PHLPP2: variants seen among roughly 807,000 people sequenced by gnomAD.
The protein encoded by PHLPP2 is PH domain and leucine rich repeat protein phosphatase 2, also known as PH domain leucine-rich repeat-containing protein phosphatase 2.
Under a neutral mutation model 124.9 loss-of-function variants are expected in PHLPP2, and 66 were observed. The ratio of observed to expected loss-of-function variants is 0.53; its 90% CI spans 0.43 to 0.65. The LOEUF (loss-of-function observed/expected upper bound fraction) is 0.65. Among genes scored for constraint, PHLPP2 ranks in the 30% least tolerant of loss-of-function variants. PHLPP2 has a pLI of 0.00. For synonymous variants in PHLPP2, 681 were observed against 624.7 expected, an observed-to-expected ratio of 1.09 and a Z score of -1.34; for missense variants, 1,685 against 1,600.4, an observed-to-expected ratio of 1.05 and a Z score of -0.90.
At chr16:71,706,270 C>CCA (rs374107426) in intron 2 of PHLPP2, among the ~76,000 whole-genome samples, 16,874 of 152,156 alleles carry the variant, frequency 0.11, 1,346 homozygotes, top group South Asian at 0.39. Context: ...CCAAACCAGC[C>CCA]AACGGACATA....
chr16:71,664,757 GA>G (rs1216475114), intron 12 of PHLPP2, among the ~76,000 whole-genome samples: 5 of 150,128 alleles, frequency 3.3e-5, no homozygotes, highest in Admixed American at 6.6e-5. Context: ...TCTCAAAGAA[GA>G]AAAAAAAAAT....
At chr16:71,710,786 C>A (rs2045318661) in intron 2 of PHLPP2, among the ~76,000 whole-genome samples, 1 of 152,102 alleles carries the variant, frequency 6.6e-6, no homozygotes, top group African/African-American at 2.4e-5. Context: ...TAATTTAATC[C>A]TCATGACAAC....
chr16:71,717,151 G>T lies in PHLPP2; in HGVS notation c.-6-2350C>A, dbSNP rs184990198. 1.3e-3 allele frequency among the ~76,000 whole-genome samples: 193 copies of T among 152,258 alleles called. 1 individual carries two copies. Among genetic ancestry groups the T allele is most frequent in the Non-Finnish European group, 9.3e-4 (63 of 68,006 alleles). ...TTTGCAGCAGCTGCAAAGTGAATGG[G>T]AGTAAATAAAATACTTTCAGTAGTA... On this transcript the variant is annotated intron_variant, in intron 1 of 18. Transcript: ENST00000568954.
At chr16:71,659,439 C>T (rs1161645419) in intron 13 of PHLPP2, among the ~76,000 whole-genome samples, 2 of 151,976 alleles carry the variant, frequency 1.3e-5, no homozygotes, top group African/African-American at 4.8e-5. Context: ...TTAGTAGAGA[C>T]AGGGTTTCTC....
Position 71,702,580 on chromosome 16 carries a change from C to A in PHLPP2, c.418+18G>T. 6.2e-7 allele frequency: 1 copy of A among 1,600,286 alleles called. No individual in the cohort carries two copies. The highest frequency in any genetic ancestry group is 8.5e-7 in the Non-Finnish European group (1 of 1,171,892). Reference sequence around the variant, plus strand: ...ACCTAAAAGTAGTTAACATACAAAGCCACTGATAAATTCTTACCACCATAA... The same window carrying A: ...ACCTAAAAGTAGTTAACATACAAAGACACTGATAAATTCTTACCACCATAA... On this transcript the variant is annotated intron_variant, in intron 3 of 18. Coordinates refer to ENST00000568954, the MANE Select transcript of PHLPP2 (RefSeq NM_015020.3).
Position 71,648,799 on chromosome 16 carries a change from A to G in PHLPP2, c.*91T>C. The G allele has an allele frequency of 1.0e-6, 1 of 961,182 alleles. No individual in the cohort carries two copies. Among genetic ancestry groups the G allele is most frequent in the East Asian group, 2.4e-5 (1 of 41,794 alleles). 59.5% of individuals were successfully genotyped at this position (961,182 alleles called of 1,614,324 possible). A position where few individuals can be genotyped will look rare whatever the true frequency, so the allele number is the denominator to read the frequency against. On this transcript the variant is annotated 3_prime_UTR_variant, in exon 19 of 19. Transcript: ENST00000568954. ...ACAAACAAACAAAAAAAAAACGAACAAACAAAAAGAAATGTAGAGGCAGAA... is the reference window on the plus strand; with the variant it reads ...ACAAACAAACAAAAAAAAAACGAACGAACAAAAAGAAATGTAGAGGCAGAA...
chr16:71,698,190 A>G (rs940747687), intron 3 of PHLPP2, among the ~76,000 whole-genome samples: 6 of 152,156 alleles, frequency 3.9e-5, no homozygotes, highest in African/African-American at 1.2e-4. Context: ...GGGGCAGCAC[A>G]GTGGAAGCCC....
At position 71,676,668 on chromosome 16, in the gene PHLPP2, G is replaced by C; in HGVS notation, c.1269-19C>G. 6.5e-7 allele frequency: 1 copy of C among 1,541,860 alleles called. No individual in the cohort carries two copies. Among genetic ancestry groups the C allele is most frequent in the Non-Finnish European group, 9.0e-7 (1 of 1,114,554 alleles). On this transcript the variant is annotated intron_variant, in intron 8 of 18. Coordinates refer to ENST00000568954, the MANE Select transcript of PHLPP2 (RefSeq NM_015020.3). ...GTTCATCCTTAATACGCAGAAACAAGAAAATAATCATAAATAAGAGTCTAT... is the reference window on the plus strand; with the variant it reads ...GTTCATCCTTAATACGCAGAAACAACAAAATAATCATAAATAAGAGTCTAT...
Position 71,719,264 on chromosome 16 carries a change from G to C in PHLPP2, c.-6-4463C>G, listed in dbSNP as rs1409430628. Among the ~76,000 whole-genome samples, 7 of 152,350 alleles carry C rather than the reference G, an allele frequency of 4.6e-5. No homozygotes were observed. The East Asian group carries it at 1.4e-3, about 29-fold the overall frequency. On this transcript the variant is annotated intron_variant, in intron 1 of 18. Coordinates refer to ENST00000568954, the MANE Select transcript of PHLPP2 (RefSeq NM_015020.3). ...TTAAAGATCTTTCTAGCCGGGCGCA[G>C]TGGCTCATGCCTGTAATCCCAGCAC...
At chr16:71,702,384 A>G (rs2045240688) in intron 3 of PHLPP2, among the ~76,000 whole-genome samples, 1 of 152,196 alleles carries the variant, frequency 6.6e-6, no homozygotes, top group African/African-American at 2.4e-5. Flanking sequence ...ACAAGTGCAA[A>G]ATGAGCAAAA....
intron 17 of PHLPP2, 45 bp from the exon 18 acceptor site, chr16:71,653,066 G>C (rs764066219): frequency 8.5e-7 from 1 of 1,178,026 alleles, no homozygotes; most frequent in Non-Finnish European, 1.2e-6. Flanking sequence ...GCTAGTTTTA[G>C]AAGAAAGTGG....
chr16:71,672,907 T>C (rs894538418), intron 9 of PHLPP2, among the ~76,000 whole-genome samples: 1 of 152,240 alleles, frequency 6.6e-6, no homozygotes, highest in African/African-American at 2.4e-5. Context: ...AACATATGCA[T>C]GCAGTATGTA....
At position 71,648,585 on chromosome 16, in the gene PHLPP2, CA is replaced by C; in HGVS notation, c.*304del. The C allele has an allele frequency of 3.0e-6, 1 of 332,338 alleles. No homozygotes were observed. The highest frequency in any genetic ancestry group is 2.2e-5 in the African/African-American group (1 of 45,444). 20.6% of individuals were successfully genotyped at this position (332,338 alleles called of 1,614,324 possible). A position where few individuals can be genotyped will look rare whatever the true frequency, so the allele number is the denominator to read the frequency against. Reference sequence around the variant, plus strand: ...AAGAGTTCAACACCAGCCTGGCCAACATGGTGAAACCCCGTCTCTAAAAAAA... The same window carrying C: ...AAGAGTTCAACACCAGCCTGGCCAACTGGTGAAACCCCGTCTCTAAAAAAA... On this transcript the variant is annotated 3_prime_UTR_variant, in exon 19 of 19. Transcript: ENST00000568954.
Position 71,649,420 on chromosome 16 carries a change from C to G in PHLPP2, c.3442G>C (p.Asp1148His), listed in dbSNP as rs559109896. The G allele has an allele frequency of 6.2e-7, 1 of 1,614,146 alleles. No homozygotes were observed. Among genetic ancestry groups the G allele is most frequent in the East Asian group, 2.2e-5 (1 of 44,884 alleles). The change falls in exon 19 of 19, where the codon GAC (aspartate) becomes CAC (histidine). Residue 1148 changes from aspartate (D) to histidine (H), a missense_variant. Physicochemically the swap from Asp to His is moderately conservative, Grantham distance 81 (BLOSUM62 -1). Transcript: ENST00000568954. ...TCAACGGGCTGGTCATCATCACTGT[C>G]CAGGCCGTTGTCAGACTGGTTACTG... ...FSSNQSDNGL[D>H]SDDDQPVEGV...
intron 1 of PHLPP2, among the ~76,000 whole-genome samples, chr16:71,719,522 A>T (rs2045384175): frequency 6.6e-6 from 1 of 152,224 alleles, no homozygotes; most frequent in African/African-American, 2.4e-5. Context: ...CGTGGGCTAC[A>T]CAATGAGGCT....
At chr16:71,698,858 A>AAT (rs1351857360) in intron 3 of PHLPP2, among the ~76,000 whole-genome samples, 9 of 152,184 alleles carry the variant, frequency 5.9e-5, no homozygotes, top group Admixed American at 3.3e-4. Flanking sequence ...AGCAAGACTG[A>AAT]TAACTGGCAT....
At chr16:71,722,083 G>A (rs2045402037) in intron 1 of PHLPP2, among the ~76,000 whole-genome samples, 1 of 150,738 alleles carries the variant, frequency 6.6e-6, no homozygotes, top group African/African-American at 2.4e-5. Context: ...GTATTCTACT[G>A]TAATACTTCT....
In PHLPP2 at chr16:71,646,471, A is replaced by C. The variant is rs2145296843; in HGVS notation, c.*2419T>G. ...TTACTTTTGGTAAGGTCATTTCAGAACTGGGTTTTGAGGTGGTTCCAATAA... is the reference window on the plus strand; with the variant it reads ...TTACTTTTGGTAAGGTCATTTCAGACCTGGGTTTTGAGGTGGTTCCAATAA... On this transcript the variant is annotated 3_prime_UTR_variant, in exon 19 of 19. Transcript: ENST00000568954. 6.6e-6 allele frequency: 1 copy of C among 152,332 alleles called. No individual in the cohort carries two copies. The highest frequency in any genetic ancestry group is 1.9e-4 in the East Asian group (1 of 5,188). The allele number at this position is 152,332 out of a possible 1,614,324, so 9.4% of individuals were successfully genotyped here.
chr16:71,662,343 T>A (rs548166749), intron 13 of PHLPP2, among the ~76,000 whole-genome samples: 10 of 151,948 alleles, frequency 6.6e-5, no homozygotes, highest in Admixed American at 1.3e-4. Flanking sequence ...GGCAGGAGAA[T>A]CACTTGAACC....
Sources: allele counts gnomAD v4.1 joint callset (sites outside exome capture counted in the v4.1 genomes callset), GRCh38; gene constraint gnomAD v4.1.1; transcripts MANE v1.5; gene names NCBI Gene and HGNC (gene_info 2026-07-23, HGNC 2026-07-21).